The following MGST1 variants were observed in gnomAD, a reference collection of about 807,000 sequenced individuals.
The protein encoded by MGST1 is glutathione S-transferase 12.
Under a neutral mutation model 8.9 loss-of-function variants are expected in MGST1, and 5 were observed. That is an observed-to-expected ratio of 0.56 (90% CI 0.29 to 1.19). MGST1 has a LOEUF of 1.19. MGST1 is among the 50% of genes most tolerant of loss of function. The probability of loss-of-function intolerance (pLI) is 0.08; values close to 1 mark genes in which losing one functional copy is unlikely to be tolerated. For synonymous variants in MGST1, 54 were observed against 67.8 expected, an observed-to-expected ratio of 0.80 and a Z score of 1.00; for missense variants, 182 against 187.4, an observed-to-expected ratio of 0.97 and a Z score of 0.17.
downstream of MGST1, among the ~76,000 whole-genome samples, chr12:16,379,428 C>T (rs911493447): frequency 1.3e-5 from 2 of 152,152 alleles, no homozygotes; most frequent in African/African-American, 4.8e-5. Flanking sequence ...GTCTTTGGTT[C>T]TGTTTATATG....
intron 3 of MGST1, among the ~76,000 whole-genome samples, chr12:16,359,531 G>A (rs1939891500): frequency 6.6e-6 from 1 of 152,062 alleles, no homozygotes; most frequent in Non-Finnish European, 1.5e-5. Flanking sequence ...ATATAAAATA[G>A]TTTCAGGACA....
intron 4 of MGST1, among the ~76,000 whole-genome samples, chr12:16,561,001 GA>G (rs1462638902): frequency 6.6e-6 from 1 of 152,068 alleles, no homozygotes; most frequent in Non-Finnish European, 1.5e-5. Context: ...CATTTATGAA[GA>G]AGCCATTTAA....
At chr12:16,499,253 G>A (rs747473715) in intron 4 of MGST1, among the ~76,000 whole-genome samples, 6 of 152,112 alleles carry the variant, frequency 3.9e-5, no homozygotes, top group African/African-American at 1.2e-4. Flanking sequence ...TATTCACTTC[G>A]AATAGCTATT....
intron 4 of MGST1, among the ~76,000 whole-genome samples, chr12:16,494,447 A>G (rs1285345575): frequency 1.3e-5 from 2 of 152,202 alleles, no homozygotes; most frequent in African/African-American, 4.8e-5. Flanking sequence ...AAGTTTGAGT[A>G]TGACTACCAG....
intron 1 of MGST1, among the ~76,000 whole-genome samples, chr12:16,393,232 A>T (rs1446049243): frequency 1.3e-5 from 2 of 152,256 alleles, no homozygotes; most frequent in African/African-American, 4.8e-5. Context: ...TTAGCTTCAC[A>T]GTAAATCTGT....
At chr12:16,437,895 A>G (rs1941002350) in exon 2 of MGST1, 1 of 152,022 alleles carries the variant, frequency 6.6e-6, no homozygotes, top group East Asian at 1.9e-4. Context: ...TGAATCAAGT[A>G]TTTTAAAGTA....
chr12:16,466,845 T>C (rs773920609), intron 4 of MGST1, among the ~76,000 whole-genome samples: 7 of 152,176 alleles, frequency 4.6e-5, no homozygotes, highest in Non-Finnish European at 1.0e-4. Flanking sequence ...AAATTTCCTC[T>C]CTTTTTTTCC....
At chr12:16,551,174 A>G (rs753881875) in intron 4 of MGST1, 19 of 1,201,688 alleles carry the variant, frequency 1.6e-5, no homozygotes, top group Non-Finnish European at 2.2e-5. Flanking sequence ...AGCAAAAAAG[A>G]TAAAAGAATG....
At chr12:16,437,713 C>T (rs991989529) in exon 2 of MGST1, 4 of 151,968 alleles carry the variant, frequency 2.6e-5, no homozygotes, top group Admixed American at 6.6e-5. Context: ...CAAACATGCC[C>T]TGAGGCAAGA....
In MGST1 at chr12:16,448,159, G is replaced by A. The variant is rs927211214; in HGVS notation, n.482+64555G>A. Among the ~76,000 whole-genome samples the A allele has an allele frequency of 6.6e-5, 10 of 151,872 alleles. 1 individual carries two copies. The highest frequency in any genetic ancestry group is 9.6e-5 in the African/African-American group (4 of 41,490). On this transcript the variant is annotated intron_variant and non_coding_transcript_variant, in intron 4 of 4. Transcript: ENST00000538857. ...GCAATATTGAAAGGACAATGAGTACGACAATTAAGAAAAGACAGAAAGAAG... is the reference window on the plus strand; with the variant it reads ...GCAATATTGAAAGGACAATGAGTACAACAATTAAGAAAAGACAGAAAGAAG...
At position 16,401,865 on chromosome 12, in the gene MGST1, GCTTT is replaced by G. The variant is rs1940657848; in HGVS notation, n.778+18265_778+18268del. The G allele has an allele frequency of 3.7e-6, 6 of 1,603,654 alleles. No homozygotes were observed. Among genetic ancestry groups the G allele is most frequent in the Non-Finnish European group, 4.3e-6 (5 of 1,170,478 alleles). On this transcript the variant is annotated intron_variant and non_coding_transcript_variant, in intron 1 of 1. Transcript: ENST00000359720. This position sits in a 1 kb window ranked among gnomAD's most constrained non-coding sequence, Gnocchi z 4.3. ...GAAGACTTCAGAAGTGATGCCAGCTGCTTTCTTCATTAATTTGAGCTCCCCATCC... is the reference window on the plus strand; with the variant it reads ...GAAGACTTCAGAAGTGATGCCAGCTGCTTCATTAATTTGAGCTCCCCATCC...
intron 4 of MGST1, among the ~76,000 whole-genome samples, chr12:16,491,582 C>T (rs1207613479): frequency 6.7e-6 from 1 of 150,064 alleles, no homozygotes. Context: ...TTCTCTTTTG[C>T]CTGTTAGCTT....
chr12:16,443,749 T>C (rs950277626), downstream of MGST1, among the ~76,000 whole-genome samples: 1 of 151,882 alleles, frequency 6.6e-6, no homozygotes, highest in Non-Finnish European at 1.5e-5. Context: ...TATGTATCCA[T>C]ATATTTGTCC....
At chr12:16,533,261 G>A (rs1030471342) in intron 4 of MGST1, among the ~76,000 whole-genome samples, 2 of 152,034 alleles carry the variant, frequency 1.3e-5, no homozygotes, top group Admixed American at 6.6e-5. Flanking sequence ...TTCATGTGTC[G>A]GGGAAAATGT....
At chr12:16,588,761 C>T (rs1943401528) in intron 4 of MGST1, among the ~76,000 whole-genome samples, 1 of 152,072 alleles carries the variant, frequency 6.6e-6, no homozygotes, top group African/African-American at 2.4e-5. Context: ...TGGTAAACGA[C>T]CTCATTATAC....
chr12:16,552,913 G>A (rs1055493687), intron 4 of MGST1, among the ~76,000 whole-genome samples: 12 of 151,294 alleles, frequency 7.9e-5, no homozygotes, highest in Non-Finnish European at 1.2e-4. Flanking sequence ...AGGCAGAGAG[G>A]TATACTGCAA....
At chr12:16,436,095 G>C (rs564119684) in intron 1 of MGST1, among the ~76,000 whole-genome samples, 2 of 151,826 alleles carry the variant, frequency 1.3e-5, no homozygotes, top group South Asian at 4.2e-4. Context: ...TACAAACTCT[G>C]AGTTCCCAAA....
downstream of MGST1, chr12:16,589,621 TGTTTAATAACTATCACTGACAA>T (rs1274880324): frequency 1.3e-5 from 2 of 152,166 alleles, no homozygotes; most frequent in Non-Finnish European, 2.9e-5. This position sits in a 1 kb window ranked among gnomAD's most constrained non-coding sequence, Gnocchi z 4.2. Context: ...GACAGTGGTT[TGTTTAATAACTATCACTGACAA>T]GATTATTTCA....
chr12:16,467,816 T>A (rs73068174), intron 4 of MGST1, among the ~76,000 whole-genome samples: 8,621 of 152,274 alleles, frequency 0.057, 344 homozygotes, highest in South Asian at 0.085. Flanking sequence ...GCTTCAGACA[T>A]TAGTTTCTGA....
Sources: allele counts gnomAD v4.1 joint callset (sites outside exome capture counted in the v4.1 genomes callset), GRCh38; gene constraint gnomAD v4.1.1; non-coding constraint Gnocchi (gnomAD v3.1); transcripts MANE v1.5; gene names NCBI Gene and HGNC (gene_info 2026-07-23, HGNC 2026-07-21).